IMPA1: variants seen among roughly 807,000 people sequenced by gnomAD.
IMPA1 encodes inositol monophosphatase 1.
IMPA1 carries 21 observed loss-of-function variants against 34.9 expected under a neutral mutation model. The ratio of observed to expected loss-of-function variants is 0.60; its 90% CI spans 0.43 to 0.87. The LOEUF is 0.87. IMPA1 is among the 40% of genes least tolerant of loss of function. The pLI is 0.00. For synonymous variants in IMPA1, 95 were observed against 104.4 expected (o/e 0.91, Z 0.55); for missense variants, 299 against 336.4 (o/e 0.89, Z 0.87).
rs766424862 is a variant in IMPA1, at chr8:81,659,357, T to G, written c.828A>C (p.Glu276Asp). Residue 276 changes from glutamate (E) to aspartate (D), a missense_variant, in exon 9 of 9, where the codon GAA becomes GAC. Transcript: ENST00000256108. ...IQVIPLQRDDED is the reference protein window; with the variant it reads ...IQVIPLQRDDDD ...GACTATGAGGCTGCCTTAATTAATC[T>G]TCGTCGTCTCGTTGCAAAGGTATAA... 3.2e-6 allele frequency: 5 copies of G among 1,584,864 alleles called. No individual in the cohort carries two copies. The highest frequency in any genetic ancestry group is 1.3e-5 in the African/African-American group (1 of 74,316).
chr8:81,686,083 G>T, intron 1 of IMPA1, 169 bp downstream of exon 1: 3 of 950,588 alleles, frequency 3.2e-6, no homozygotes, highest in Non-Finnish European at 4.3e-6. Flanking sequence ...GGTCGCCCAG[G>T]GCAGCTCCGG....
At chr8:81,670,262 T>C (rs1446175139) in intron 7 of IMPA1, among the ~76,000 whole-genome samples, 1 of 152,262 alleles carries the variant, frequency 6.6e-6, no homozygotes, top group Admixed American at 6.5e-5. Flanking sequence ...TAAGTATCAG[T>C]ATTTATGGGA....
intron 3 of IMPA1, among the ~76,000 whole-genome samples, chr8:81,680,036 G>A (rs1391701521): frequency 1.3e-5 from 2 of 151,720 alleles, no homozygotes; most frequent in African/African-American, 4.8e-5. Context: ...TCAGGAGGCT[G>A]AGGCAGGAGA....
chr8:81,685,844 G>A (rs1563593729), intron 1 of IMPA1: 3 of 1,550,952 alleles, frequency 1.9e-6, no homozygotes, highest in South Asian at 2.4e-5. Flanking sequence ...GTAGGAGCCA[G>A]GCCACCTTCC....
intron 5 of IMPA1, among the ~76,000 whole-genome samples, chr8:81,675,674 C>T (rs1430967248): frequency 1.3e-5 from 2 of 152,186 alleles, no homozygotes; most frequent in Non-Finnish European, 2.9e-5. Flanking sequence ...TGTTAGTAAC[C>T]ATCCTTTACT....
Position 81,660,654 on chromosome 8 carries a change from C to G in IMPA1, c.580G>C (p.Gly194Arg). 6.2e-7 allele frequency: 1 copy of G among 1,611,544 alleles called. No homozygotes were observed. The highest frequency in any genetic ancestry group is 8.5e-7 in the Non-Finnish European group (1 of 1,178,324). ...AGGCACATATTAACAGCTGCTGTTC[C>G]AACACTCCGGATCCTAACAAATAGA... ...CIPVHGIRSV[G>R]TAAVNMCLVA... The change falls in exon 8 of 9, where the codon GGA becomes CGA. Residue 194 changes from glycine to arginine, a missense_variant. Gly to Arg is a moderately radical substitution (Grantham distance 125). Coordinates refer to ENST00000256108, the MANE Select transcript of IMPA1 (RefSeq NM_005536.4).
chr8:81,660,832 C>A (rs1806651896), intron 7 of IMPA1, among the ~76,000 whole-genome samples, 165 bp from the exon 8 acceptor site: 1 of 151,982 alleles, frequency 6.6e-6, no homozygotes, highest in South Asian at 2.1e-4. Context: ...ATGTATAAAT[C>A]TAATTATCAT....
rs1807270948 is a variant in IMPA1, at chr8:81,680,616, A to G, written c.197+34T>C. Reference sequence around the variant, plus strand: ...CAGAACCCCAAGAAATGGTGAGATAATAAACATTTCTTGTACACAGTAAAT... The same window carrying G: ...CAGAACCCCAAGAAATGGTGAGATAGTAAACATTTCTTGTACACAGTAAAT... On this transcript the variant is annotated intron_variant, in intron 3 of 8. Transcript: ENST00000256108. 5 of 1,496,292 alleles carry G rather than the reference A, an allele frequency of 3.3e-6. No individual in the cohort carries two copies. In the East Asian group the frequency reaches 1.1e-4, roughly 34 times the overall value. The allele number at this position is 1,496,292 out of a possible 1,614,324, so 92.7% of individuals were successfully genotyped here.
intron 4 of IMPA1, 40 bp from the exon 5 acceptor site, chr8:81,676,319 A>T: frequency 1.0e-6 from 1 of 994,858 alleles, no homozygotes; most frequent in Non-Finnish European, 1.5e-6. Flanking sequence ...ATTAACCAAC[A>T]TAGAACTTTT....
chr8:81,679,879 G>A (rs1295720912), intron 3 of IMPA1, among the ~76,000 whole-genome samples: 1 of 152,088 alleles, frequency 6.6e-6, no homozygotes, highest in Admixed American at 6.5e-5. Flanking sequence ...GCTCAGGTCT[G>A]TAATCCTAAC....
At chr8:81,664,876 AAAAAAG>A (rs1354046342) in intron 7 of IMPA1, among the ~76,000 whole-genome samples, 1 of 150,282 alleles carries the variant, frequency 6.7e-6, no homozygotes, top group East Asian at 2.0e-4. Flanking sequence ...ATAATAACAA[AAAAAAG>A]AAAAAGGAAA....
intron 6 of IMPA1, among the ~76,000 whole-genome samples, chr8:81,672,003 C>G (rs1487701589): frequency 6.6e-6 from 1 of 152,104 alleles, no homozygotes; most frequent in Non-Finnish European, 1.5e-5. Flanking sequence ...TTCCTTCGGT[C>G]CAAGATTTGT....
chr8:81,664,448 T>C (rs1462385114), intron 7 of IMPA1, among the ~76,000 whole-genome samples: 1 of 151,958 alleles, frequency 6.6e-6, no homozygotes, highest in African/African-American at 2.4e-5. Flanking sequence ...AAAGACTTTG[T>C]GAGAAAGAAC....
intron 7 of IMPA1, among the ~76,000 whole-genome samples, chr8:81,660,929 GACA>G (rs1277605929): frequency 6.6e-6 from 1 of 151,860 alleles, no homozygotes; most frequent in Non-Finnish European, 1.5e-5. Flanking sequence ...AAAAAATAAA[GACA>G]ATGCTTAATT....
intron 2 of IMPA1, 89 bp downstream of exon 2, chr8:81,681,409 A>C: frequency 1.3e-6 from 1 of 790,678 alleles, no homozygotes; most frequent in East Asian, 2.6e-5. Flanking sequence ...AAAAGAAACC[A>C]AATCGAAACA....
chr8:81,659,263 A>T lies in IMPA1; in HGVS notation c.*88T>A. ...ACCTGGACAAAGAGAATTTAAACCA[A>T]GCATATCATACATCCAAAACACATA... On this transcript the variant is annotated 3_prime_UTR_variant, in exon 9 of 9. Transcript: ENST00000256108. 1.3e-6 allele frequency: 1 copy of T among 776,460 alleles called. No homozygotes were observed. The highest frequency in any genetic ancestry group is 2.3e-6 in the Non-Finnish European group (1 of 437,502). The allele number at this position is 776,460 out of a possible 1,614,324, so 48.1% of individuals were successfully genotyped here.
At position 81,677,256 on chromosome 8, in the gene IMPA1, C is replaced by A. The variant is rs576320726; in HGVS notation, c.303-977G>T. ...GATTACAAGCATGTGCCACCATACCCGGCTAATTTTGTATTTTACGTAGAG... is the reference window on the plus strand; with the variant it reads ...GATTACAAGCATGTGCCACCATACCAGGCTAATTTTGTATTTTACGTAGAG... On this transcript the variant is annotated intron_variant, in intron 4 of 8. Transcript: ENST00000256108. Among the ~76,000 whole-genome samples, 3 of 152,202 alleles carry A rather than the reference C, an allele frequency of 2.0e-5. No individual in the cohort carries two copies. In the South Asian group the frequency reaches 6.2e-4, roughly 32 times the overall value.
At chr8:81,673,103 C>T (rs551187071) in intron 6 of IMPA1, among the ~76,000 whole-genome samples, 6 of 152,294 alleles carry the variant, frequency 3.9e-5, no homozygotes, top group East Asian at 1.9e-4. Context: ...CAAGGAAATT[C>T]CTTGTGGACC....
intron 7 of IMPA1, among the ~76,000 whole-genome samples, chr8:81,663,453 C>T (rs776215426): frequency 1.2e-4 from 19 of 152,184 alleles, no homozygotes; most frequent in Non-Finnish European, 2.2e-4. Context: ...ATTGAAGAAA[C>T]AGAAATGATC....
Sources: allele counts gnomAD v4.1 joint callset (sites outside exome capture counted in the v4.1 genomes callset), GRCh38; gene constraint gnomAD v4.1.1; transcripts MANE v1.5; gene names NCBI Gene and HGNC (gene_info 2026-07-23, HGNC 2026-07-21).